Variants in GRIN3A observed in about 807,000 individuals in gnomAD.
GRIN3A encodes glutamate ionotropic receptor NMDA type subunit 3A.
A neutral mutation model predicts 92.4 loss-of-function variants in GRIN3A; 47 were observed. That is an observed-to-expected ratio of 0.51 (90% CI 0.40 to 0.65). The LOEUF is 0.65. Among genes scored for constraint, GRIN3A ranks in the 30% least tolerant of loss-of-function variants. The pLI, the probability that GRIN3A is intolerant of heterozygous loss-of-function variation, is 0.00. For missense variants in GRIN3A, 1,324 were observed against 1,393.1 expected, an observed-to-expected ratio of 0.95 and a Z score of 0.79; for synonymous variants, 527 against 540.6, an observed-to-expected ratio of 0.97 and a Z score of 0.35.
At chr9:101,588,086 AAGACAGAGTTTCCCAGGTG>A (rs1827970920) in intron 6 of GRIN3A, among the ~76,000 whole-genome samples, 1 of 152,200 alleles carries the variant, frequency 6.6e-6, no homozygotes. Context: ...AGATGTACCA[AAGACAGAGTTTCCCAGGTG>A]AGAGAGTCTG....
intron 3 of GRIN3A, among the ~76,000 whole-genome samples, chr9:101,650,629 A>G (rs1347077528): frequency 3.3e-5 from 5 of 151,976 alleles, no homozygotes; most frequent in Admixed American, 6.6e-5. Flanking sequence ...TTGTATGCCG[A>G]TATTTTATGG....
At chr9:101,622,752 G>A (rs1828574927) in intron 5 of GRIN3A, among the ~76,000 whole-genome samples, 1 of 152,098 alleles carries the variant, frequency 6.6e-6, no homozygotes, top group South Asian at 2.1e-4. Flanking sequence ...TTATGAAAAT[G>A]TTATGTAATG....
chr9:101,732,285 C>A (rs188970580), intron 1 of GRIN3A, among the ~76,000 whole-genome samples: 2 of 152,160 alleles, frequency 1.3e-5, no homozygotes, highest in Admixed American at 1.3e-4. Context: ...GTGTAGTTGG[C>A]GGAATAGGAG....
chr9:101,646,670 T>C (rs1205787146), intron 3 of GRIN3A, among the ~76,000 whole-genome samples: 3 of 151,924 alleles, frequency 2.0e-5, no homozygotes, highest in African/African-American at 7.2e-5. Flanking sequence ...TCTTTCCATT[T>C]TTTTCTGTCC....
At chr9:101,718,173 C>G (rs1829970566) in intron 1 of GRIN3A, among the ~76,000 whole-genome samples, 1 of 152,134 alleles carries the variant, frequency 6.6e-6, no homozygotes, top group Non-Finnish European at 1.5e-5. Context: ...ATGAGCCAGA[C>G]ATTGTGTGAG....
At chr9:101,602,844 T>A (rs1425164848) in intron 6 of GRIN3A, 1 of 148,736 alleles carries the variant, frequency 6.7e-6, no homozygotes, top group Admixed American at 6.7e-5. Flanking sequence ...AATCTTGTGA[T>A]GATACGGAGG....
chr9:101,611,701 A>G (rs1294186514), intron 6 of GRIN3A, among the ~76,000 whole-genome samples: 2 of 152,236 alleles, frequency 1.3e-5, no homozygotes, highest in African/African-American at 4.8e-5. Context: ...AAGCTCTCAC[A>G]GTTTAATGAA....
At chr9:101,706,924 T>A (rs1249844434) in intron 1 of GRIN3A, among the ~76,000 whole-genome samples, 1 of 152,218 alleles carries the variant, frequency 6.6e-6, no homozygotes, top group African/African-American at 2.4e-5. Context: ...ATCTCCCTTT[T>A]TTCCCTTCTC....
At chr9:101,634,210 G>A (rs1828750437) in intron 3 of GRIN3A, among the ~76,000 whole-genome samples, 1 of 151,624 alleles carries the variant, frequency 6.6e-6, no homozygotes, top group African/African-American at 2.4e-5. Context: ...GCGGGTGCCT[G>A]TAGTCCCAGG....
At chr9:101,628,584 A>C (rs1296970562) in intron 3 of GRIN3A, among the ~76,000 whole-genome samples, 183 bp from the exon 4 acceptor site, 2 of 152,342 alleles carry the variant, frequency 1.3e-5, no homozygotes, top group East Asian at 3.9e-4. Flanking sequence ...AAATTGCTCT[A>C]TCTTTAGAAG....
At chr9:101,646,228 C>T (rs977498845) in intron 3 of GRIN3A, among the ~76,000 whole-genome samples, 2 of 151,622 alleles carry the variant, frequency 1.3e-5, no homozygotes. Flanking sequence ...GTCTTTAAAC[C>T]ATTTTGATTT....
intron 6 of GRIN3A, among the ~76,000 whole-genome samples, chr9:101,581,158 A>T (rs1827882650): frequency 6.6e-6 from 1 of 152,256 alleles, no homozygotes; most frequent in African/African-American, 2.4e-5. Context: ...CCTCCATGAT[A>T]CATTTGATCC....
rs1172963192 is a variant in GRIN3A at position 101,687,203 on chromosome 9, G to A, written c.700-3C>T. 1 of 1,613,460 alleles carries A rather than the reference G, an allele frequency of 6.2e-7. No individual in the cohort carries two copies. The highest frequency in any genetic ancestry group is 1.1e-5 in the South Asian group (1 of 90,936). On this transcript the variant is annotated splice_polypyrimidine_tract_variant and splice_region_variant and intron_variant, in intron 1 of 8. Transcript: ENST00000361820. ...CTCAGTTGTAGGTGAAGGGGATTCT[G>A]TATTTAAAGATATGAAAAAGAAGAA... is the stretch of plus-strand genomic sequence containing the variant.
intron 6 of GRIN3A, chr9:101,603,095 G>A (rs796292798): frequency 2.6e-5 from 4 of 152,252 alleles, no homozygotes; most frequent in African/African-American, 9.6e-5. Context: ...TTGAAAAGTA[G>A]AAAATTCCAG....
intron 5 of GRIN3A, 47 bp downstream of exon 5, chr9:101,623,271 C>T (rs765008001): frequency 2.3e-6 from 3 of 1,322,950 alleles, no homozygotes; most frequent in South Asian, 2.3e-5. Flanking sequence ...GGTTGGCAAA[C>T]TGAGCACATC....
intron 7 of GRIN3A, among the ~76,000 whole-genome samples, chr9:101,578,631 T>C (rs1243478566): frequency 6.6e-6 from 1 of 152,214 alleles, no homozygotes; most frequent in African/African-American, 2.4e-5. Context: ...CAGGGAGAGA[T>C]ATGCAAACGA....
Position 101,738,229 on chromosome 9 carries a change from C to T in GRIN3A, c.-250G>A. ...CCGCCCGGTCACTGCGCTGAGCAGG[C>T]AGGCGGGCGGGCCGGCGCCTGTCAC... is the stretch of plus-strand genomic sequence containing the variant. On this transcript the variant is annotated 5_prime_UTR_variant, in exon 1 of 9. Transcript: ENST00000361820. 1 of 540,224 alleles carries T rather than the reference C, an allele frequency of 1.9e-6. No homozygotes were observed. The highest frequency in any genetic ancestry group is 3.3e-5 in the East Asian group (1 of 30,308). 33.5% of individuals were successfully genotyped at this position (540,224 alleles called of 1,614,324 possible).
intron 1 of GRIN3A, among the ~76,000 whole-genome samples, chr9:101,692,578 A>G (rs1379017765): frequency 1.3e-5 from 2 of 152,198 alleles, no homozygotes; most frequent in Admixed American, 1.3e-4. Flanking sequence ...CAAATGAGCT[A>G]GGTCAAAGCC....
chr9:101,670,138 G>A lies in GRIN3A; in HGVS notation c.2274C>T (p.Ser758=), dbSNP rs1263728142. The part of the protein sequence containing the change: ...LWAIFCMFCL[S]TYTANLAAVM... ...CAGCAGCCAAGTTTGCCGTGTATGT[G>A]GAAAGGCAAAACATACAGAAAATGG... The change falls in exon 3 of 9, where the codon TCC becomes TCT. Residue 758 remains serine (S), a synonymous_variant. Coordinates refer to ENST00000361820, the MANE Select transcript of GRIN3A (RefSeq NM_133445.3). The A allele has an allele frequency of 3.1e-6, 5 of 1,613,592 alleles. No individual in the cohort carries two copies. In the Admixed American group the frequency reaches 8.3e-5, roughly 27 times the overall value.
Sources: allele counts gnomAD v4.1 joint callset (sites outside exome capture counted in the v4.1 genomes callset), GRCh38; gene constraint gnomAD v4.1.1; transcripts MANE v1.5; gene names NCBI Gene and HGNC (gene_info 2026-07-23, HGNC 2026-07-21).